Variants in ZMYND8 observed in about 807,000 individuals in gnomAD.
ZMYND8 encodes the protein MYND-type zinc finger-containing chromatin reader ZMYND8.
A neutral mutation model predicts 140.8 loss-of-function variants in ZMYND8; 37 were observed. The ratio of observed to expected loss-of-function variants is 0.26; its 90% CI spans 0.20 to 0.35. The LOEUF (loss-of-function observed/expected upper bound fraction) is 0.35, where lower values mean the gene tolerates loss of function less well. ZMYND8 is among the 10% of genes least tolerant of loss of function. The pLI, the probability that ZMYND8 is intolerant of heterozygous loss-of-function variation, is 1.00. For synonymous variants in ZMYND8, 592 were observed against 597.1 expected (o/e 0.99, Z 0.12); for missense variants, 1,068 against 1,570.0 (o/e 0.68, Z 5.40).
intron 11 of ZMYND8, among the ~76,000 whole-genome samples, chr20:47,262,630 C>T (rs2075240181): frequency 1.3e-5 from 2 of 151,976 alleles, no homozygotes; most frequent in East Asian, 1.9e-4. Context: ...GATGTGAAAC[C>T]GTTAAAGCCA....
At chr20:47,296,487 T>C (rs1303254451) in intron 4 of ZMYND8, among the ~76,000 whole-genome samples, 2 of 152,096 alleles carry the variant, frequency 1.3e-5, no homozygotes, top group Non-Finnish European at 2.9e-5. Flanking sequence ...CCACACATAA[T>C]ACCTGAACCC....
intron 14 of ZMYND8, among the ~76,000 whole-genome samples, chr20:47,241,048 C>A (rs1025608788): frequency 6.6e-6 from 1 of 151,788 alleles, no homozygotes; most frequent in African/African-American, 2.4e-5. Flanking sequence ...GTAATCCCAG[C>A]ACTTTGGGAG....
chr20:47,267,277 G>A (rs1222512714), intron 11 of ZMYND8, among the ~76,000 whole-genome samples: 2 of 152,108 alleles, frequency 1.3e-5, no homozygotes, highest in African/African-American at 4.8e-5. Flanking sequence ...TGGGGGATGG[G>A]GAGTGGCTGT....
intron 10 of ZMYND8, among the ~76,000 whole-genome samples, chr20:47,281,854 T>C (rs552775458): frequency 1.3e-5 from 2 of 152,230 alleles, no homozygotes; most frequent in East Asian, 3.9e-4. Context: ...ACAGAACCCA[T>C]TCCAATGTTG....
At chr20:47,292,887 AC>A (rs2077356568) in intron 5 of ZMYND8, among the ~76,000 whole-genome samples, 1 of 151,800 alleles carries the variant, frequency 6.6e-6, no homozygotes, top group Admixed American at 6.6e-5. Flanking sequence ...CCCTGTCATT[AC>A]AAAAAATAAT....
chr20:47,355,815 G>T (rs2083184294), intron 1 of ZMYND8, among the ~76,000 whole-genome samples: 1 of 143,878 alleles, frequency 7.0e-6, no homozygotes, highest in Admixed American at 7.0e-5. Flanking sequence ...TTTTTTGCAG[G>T]ATGTTGTCCA....
chr20:47,229,886 G>T (rs2038230796), intron 16 of ZMYND8, 80 bp from the exon 17 acceptor site: 2 of 1,299,414 alleles, frequency 1.5e-6, no homozygotes, highest in African/African-American at 1.5e-5. Flanking sequence ...AAATCTATCT[G>T]TATAAAGCAG....
chr20:47,329,785 C>A (rs907070581), intron 2 of ZMYND8, among the ~76,000 whole-genome samples: 6 of 152,142 alleles, frequency 3.9e-5, no homozygotes, highest in African/African-American at 1.4e-4. Context: ...AATATTAAGA[C>A]AAAGAAGCAT....
rs568392877 is a variant in ZMYND8 at position 47,313,422 on chromosome 20, A to C, written c.86-3218T>G. On this transcript the variant is annotated intron_variant, in intron 2 of 22. Coordinates refer to ENST00000471951, the MANE Select transcript of ZMYND8 (RefSeq NM_001281775.3). ...CGGATTACAAAGTCAGGAGATCGAG[A>C]CCATCCTGGCTAACATGGTGAAACC... is the stretch of plus-strand genomic sequence containing the variant. Among the ~76,000 whole-genome samples, 6 of 151,906 alleles carry C rather than the reference A, an allele frequency of 3.9e-5. No homozygotes were observed. The South Asian group carries it at 1.2e-3, about 32-fold the overall frequency.
intron 14 of ZMYND8, among the ~76,000 whole-genome samples, chr20:47,240,784 G>A (rs1442098545): frequency 6.6e-6 from 1 of 151,372 alleles, no homozygotes; most frequent in East Asian, 2.1e-4. Flanking sequence ...TTGAACTCCT[G>A]ACCTCATGAT....
At chr20:47,268,638 G>A (rs6066259) in intron 11 of ZMYND8, among the ~76,000 whole-genome samples, 36,302 of 151,252 alleles carry the variant, frequency 0.24, 4,731 homozygotes, top group Non-Finnish European at 0.3. Flanking sequence ...GCAGTCAGGC[G>A]TGGTGGTACA....
chr20:47,285,376 G>A (rs1362446953), intron 8 of ZMYND8, among the ~76,000 whole-genome samples: 1 of 152,212 alleles, frequency 6.6e-6, no homozygotes, highest in African/African-American at 2.4e-5. Context: ...CAAATGCATG[G>A]ATGGCAGAGT....
At chr20:47,267,584 C>T (rs528636296) in intron 11 of ZMYND8, among the ~76,000 whole-genome samples, 1 of 152,254 alleles carries the variant, frequency 6.6e-6, no homozygotes, top group East Asian at 1.9e-4. Flanking sequence ...CAGGTCTCCC[C>T]ACCATGTGCA....
At chr20:47,328,366 T>G (rs1234439264) in intron 2 of ZMYND8, among the ~76,000 whole-genome samples, 1 of 152,212 alleles carries the variant, frequency 6.6e-6, no homozygotes, top group East Asian at 1.9e-4. Flanking sequence ...GATTTTTAGC[T>G]TTTTCTTTGT....
Position 47,352,441 on chromosome 20 carries a change from A to G in ZMYND8, c.14+4216T>C, listed in dbSNP as rs527353306. Reference sequence around the variant, plus strand: ...CAATCCGAGTCTGCAGAGGAGAAACACAAGGAAAACATTCCCTTATCCAAT... The same window carrying G: ...CAATCCGAGTCTGCAGAGGAGAAACGCAAGGAAAACATTCCCTTATCCAAT... On this transcript the variant is annotated intron_variant, in intron 1 of 22. Transcript: ENST00000471951. 1,633 of 984,846 alleles carry G rather than the reference A, an allele frequency of 1.7e-3. 4 individuals are homozygous for G. Among genetic ancestry groups the G allele is most frequent in the Non-Finnish European group, 1.9e-3 (1,536 of 829,376 alleles). The allele number at this position is 984,846 out of a possible 1,614,324, so 61.0% of individuals were successfully genotyped here. A position where few individuals can be genotyped will look rare whatever the true frequency, so the allele number is the denominator to read the frequency against.
intron 3 of ZMYND8, 132 bp from the exon 4 acceptor site, chr20:47,299,079 T>A: frequency 1.3e-6 from 1 of 799,838 alleles, no homozygotes; most frequent in Non-Finnish European, 2.0e-6. Flanking sequence ...AGCCAAACTA[T>A]CTTAGGTTAC....
chr20:47,282,642 T>A (rs2076676042), intron 9 of ZMYND8, among the ~76,000 whole-genome samples: 1 of 151,784 alleles, frequency 6.6e-6, no homozygotes, highest in African/African-American at 2.4e-5. Context: ...GGAGAATCAC[T>A]TGAACGCAGG....
chr20:47,215,059 G>A (rs903697008), intron 21 of ZMYND8, among the ~76,000 whole-genome samples: 1 of 152,134 alleles, frequency 6.6e-6, no homozygotes, highest in Non-Finnish European at 1.5e-5. Flanking sequence ...TGTCTCTTAG[G>A]TTTCAAAACA....
chr20:47,343,161 T>A (rs1341142957), intron 2 of ZMYND8, among the ~76,000 whole-genome samples: 2 of 152,112 alleles, frequency 1.3e-5, no homozygotes, highest in Admixed American at 6.6e-5. Flanking sequence ...GATGCATGCC[T>A]GTGGTCCCAG....
Sources: allele counts gnomAD v4.1 joint callset (sites outside exome capture counted in the v4.1 genomes callset), GRCh38; gene constraint gnomAD v4.1.1; transcripts MANE v1.5; gene names NCBI Gene and HGNC (gene_info 2026-07-23, HGNC 2026-07-21).